CSMD1: variants seen among roughly 807,000 people sequenced by gnomAD.
The protein encoded by CSMD1 is CUB and Sushi multiple domains 1, also known as CUB and sushi domain-containing protein 1.
A neutral mutation model predicts 417.5 loss-of-function variants in CSMD1; 213 were observed. The observed-to-expected ratio is 0.51, with a 90% confidence interval of 0.46 to 0.57. The LOEUF is 0.57. CSMD1 is among the 20% of genes least tolerant of loss of function. The pLI, the probability that CSMD1 is intolerant of heterozygous loss-of-function variation, is 0.00. For synonymous variants in CSMD1, 2,862 were observed against 1,736.8 expected (o/e 1.65, Z -16.11); for missense variants, 6,923 against 4,529.7 (o/e 1.53, Z -15.17).
intron 1 of CSMD1, among the ~76,000 whole-genome samples, chr8:4,723,702 G>A (rs1474636605): frequency 1.3e-5 from 2 of 149,656 alleles, no homozygotes; most frequent in African/African-American, 2.5e-5. Context: ...TGATGAAAAT[G>A]TCCAGGTATA....
At chr8:4,292,059 G>A (rs904098568) in intron 3 of CSMD1, among the ~76,000 whole-genome samples, 1 of 152,028 alleles carries the variant, frequency 6.6e-6, no homozygotes, top group South Asian at 2.1e-4. Context: ...TTGGACACTT[G>A]ATCATTCAAT....
At chr8:4,644,008 G>T (rs898050681) in intron 1 of CSMD1, among the ~76,000 whole-genome samples, 1 of 152,152 alleles carries the variant, frequency 6.6e-6, no homozygotes, top group Non-Finnish European at 1.5e-5. Flanking sequence ...ACACTTATGG[G>T]AGATTACTCA....
intron 5 of CSMD1, among the ~76,000 whole-genome samples, chr8:3,973,267 A>G (rs568110924): frequency 1.3e-5 from 2 of 152,306 alleles, no homozygotes; most frequent in Non-Finnish European, 2.9e-5. Flanking sequence ...TGGCTTGGTC[A>G]TGAGCCTCTT....
Position 4,437,127 on chromosome 8 carries a change from T to C in CSMD1, c.303-17062A>G, listed in dbSNP as rs1011257852. 2.0e-5 allele frequency among the ~76,000 whole-genome samples: 3 copies of C among 152,100 alleles called. No individual in the cohort carries two copies. The East Asian group carries it at 5.8e-4, about 29-fold the overall frequency. ...TCCTACAGTTGCTACCCAAAAGAAT[T>C]CTTTTAGGGGAATTTTAGAAATGGC... On this transcript the variant is annotated intron_variant, in intron 2 of 69. Transcript: ENST00000635120.
At chr8:3,308,844 C>G (rs1805102288) in intron 23 of CSMD1, among the ~76,000 whole-genome samples, 1 of 151,294 alleles carries the variant, frequency 6.6e-6, no homozygotes, top group Non-Finnish European at 1.5e-5. Flanking sequence ...CTGCCTCAGC[C>G]TCCCAGGTAG....
chr8:4,457,263 C>G (rs963937022), intron 2 of CSMD1, among the ~76,000 whole-genome samples: 2 of 151,998 alleles, frequency 1.3e-5, no homozygotes, highest in Non-Finnish European at 2.9e-5. Flanking sequence ...ACCTGTTTGC[C>G]CATCTTACTT....
At chr8:3,964,875 C>T (rs563593900) in intron 5 of CSMD1, among the ~76,000 whole-genome samples, 3 of 152,110 alleles carry the variant, frequency 2.0e-5, no homozygotes, top group Non-Finnish European at 4.4e-5. Context: ...AGTGTGATTG[C>T]ATATTATGCC....
At chr8:3,394,970 C>T (rs1428341267) in intron 17 of CSMD1, among the ~76,000 whole-genome samples, 2 of 152,112 alleles carry the variant, frequency 1.3e-5, no homozygotes, top group East Asian at 3.9e-4. Context: ...CATGCATATG[C>T]ACGTTTGTGT....
At chr8:4,866,466 T>G (rs1441639191) in intron 1 of CSMD1, among the ~76,000 whole-genome samples, 1 of 152,000 alleles carries the variant, frequency 6.6e-6, no homozygotes, top group Admixed American at 6.6e-5. Flanking sequence ...TGTTTTTTTC[T>G]TTAAAAAGTG....
At chr8:3,193,906 G>A (rs1796561837) in intron 33 of CSMD1, among the ~76,000 whole-genome samples, 1 of 152,100 alleles carries the variant, frequency 6.6e-6, no homozygotes, top group Non-Finnish European at 1.5e-5. Context: ...CTCCTTTACT[G>A]CACCTCTGTT....
chr8:4,059,323 G>A (rs1798852872), intron 3 of CSMD1, among the ~76,000 whole-genome samples: 2 of 84,124 alleles, frequency 2.4e-5, no homozygotes, highest in Non-Finnish European at 6.0e-5. Flanking sequence ...AGCACTAAAT[G>A]TCCACAAGAG....
At chr8:3,523,536 C>T (rs779162099) in intron 10 of CSMD1, among the ~76,000 whole-genome samples, 4 of 152,062 alleles carry the variant, frequency 2.6e-5, no homozygotes, top group African/African-American at 4.8e-5. Context: ...CACACACACA[C>T]GCACACCCAG....
At chr8:3,742,014 G>T (rs2623716) in intron 6 of CSMD1, among the ~76,000 whole-genome samples, 71,532 of 148,206 alleles carry the variant, frequency 0.48, 17,156 homozygotes, top group Middle Eastern at 0.51. Context: ...ATTGCCTTTC[G>T]AGGCTGGAAT....
chr8:3,119,320 C>T (rs934144050), intron 41 of CSMD1, among the ~76,000 whole-genome samples: 20 of 134,934 alleles, frequency 1.5e-4, no homozygotes, highest in African/African-American at 5.3e-4. Flanking sequence ...GAAAATATGT[C>T]GTTATTTGGT....
intron 2 of CSMD1, among the ~76,000 whole-genome samples, chr8:4,425,962 G>T (rs528655309): frequency 3.3e-5 from 5 of 152,006 alleles, no homozygotes; most frequent in Admixed American, 6.6e-5. Flanking sequence ...CTTCATTTTA[G>T]AGAGGTAGAC....
intron 5 of CSMD1, among the ~76,000 whole-genome samples, chr8:3,810,953 T>C (rs1801034021): frequency 6.6e-6 from 1 of 152,176 alleles, no homozygotes; most frequent in South Asian, 2.1e-4. Flanking sequence ...GATAATAACG[T>C]TTGTTCTTTA....
intron 3 of CSMD1, among the ~76,000 whole-genome samples, chr8:4,227,925 A>T (rs1026073704): frequency 4.0e-5 from 6 of 150,406 alleles, no homozygotes; most frequent in Non-Finnish European, 5.9e-5. Context: ...ATTAAATCCC[A>T]CACCTAGACA....
intron 5 of CSMD1, among the ~76,000 whole-genome samples, chr8:3,955,694 T>C (rs978371403): frequency 1.3e-5 from 2 of 152,056 alleles, no homozygotes; most frequent in Non-Finnish European, 2.9e-5. Context: ...GGAAAGAGGA[T>C]GAATACGTGG....
intron 2 of CSMD1, among the ~76,000 whole-genome samples, chr8:4,494,790 T>C (rs113989342): frequency 1.3e-5 from 2 of 152,146 alleles, no homozygotes; most frequent in Non-Finnish European, 2.9e-5. Flanking sequence ...TATCTTTCTA[T>C]AATTTTGTGG....
Sources: allele counts gnomAD v4.1 joint callset (sites outside exome capture counted in the v4.1 genomes callset), GRCh38; gene constraint gnomAD v4.1.1; transcripts MANE v1.5; gene names NCBI Gene and HGNC (gene_info 2026-07-23, HGNC 2026-07-21).